Variants in RNF212B observed in about 807,000 individuals in gnomAD.
RNF212B encodes E3 ubiquitin-protein ligase RNF212B.
A neutral mutation model predicts 55.5 loss-of-function variants in RNF212B; 52 were observed. The ratio of observed to expected loss-of-function variants is 0.94; its 90% confidence interval spans 0.75 to 1.18. The LOEUF is 1.18. RNF212B is among the 50% of genes most tolerant of loss of function. The probability of loss-of-function intolerance (pLI) is 0.00; values close to 1 mark genes in which losing one functional copy is unlikely to be tolerated. For missense variants in RNF212B, 289 were observed against 350.4 expected, an observed-to-expected ratio of 0.82 and a Z score of 1.40; for synonymous variants, 99 against 121.4, an observed-to-expected ratio of 0.82 and a Z score of 1.21.
intron 2 of RNF212B, among the ~76,000 whole-genome samples, chr14:23,232,762 G>T (rs1409024603): frequency 2.8e-5 from 4 of 144,434 alleles, no homozygotes; most frequent in African/African-American, 1.0e-4. Context: ...CACCCGGCCA[G>T]CCGCCCCGTC....
chr14:23,215,814 CAT>C (rs1881008295), intron 2 of RNF212B, among the ~76,000 whole-genome samples: 1 of 152,310 alleles, frequency 6.6e-6, no homozygotes, highest in South Asian at 2.1e-4. Flanking sequence ...AGAGTAAAAA[CAT>C]GGGTAAATGT....
Position 23,264,684 on chromosome 14 carries a change from G to A in RNF212B, c.634+13G>A, listed in dbSNP as rs986449410. On this transcript the variant is annotated intron_variant, in intron 11 of 14. Transcript: ENST00000430154. ...GACTCTTATAATGGTGAGGTGGGGG[G>A]AAAAGGGTGTCAGAAATCAACTTAC... is the stretch of plus-strand genomic sequence containing the variant. 3 of 1,282,064 alleles carry A rather than the reference G, an allele frequency of 2.3e-6. No individual in the cohort carries two copies. The highest frequency in any genetic ancestry group is 3.0e-6 in the Non-Finnish European group (3 of 1,004,996). The allele number at this position is 1,282,064 out of a possible 1,614,324, so 79.4% of individuals were successfully genotyped here.
Position 23,208,902 on chromosome 14 carries a change from G to A in RNF212B, c.-2+15501G>A, listed in dbSNP as rs1482199916. Among the ~76,000 whole-genome samples, 13 of 151,060 alleles carry A rather than the reference G, an allele frequency of 8.6e-5. No individual in the cohort carries two copies. The South Asian group carries it at 1.0e-3, about 12-fold the overall frequency. The stretch of plus-strand genomic sequence containing the variant: ...GCCCCCTGAGTAGTTGGGACTACAG[G>A]TGCCCGCCACTACGCCTGGCTAATT... On this transcript the variant is annotated intron_variant, in intron 2 of 15. Coordinates refer to the RNF212B transcript ENST00000399910.
chr14:23,259,197 AAAAAC>A (rs772596218), intron 5 of RNF212B, among the ~76,000 whole-genome samples: 1 of 120,884 alleles, frequency 8.3e-6, no homozygotes, highest in Non-Finnish European at 1.8e-5. Context: ...TCTCAAAAAC[AAAAAC>A]AAAAAAAAAC....
intron 1 of RNF212B, among the ~76,000 whole-genome samples, chr14:23,239,950 A>G (rs1392396032): frequency 3.3e-5 from 5 of 151,646 alleles, no homozygotes; most frequent in African/African-American, 9.7e-5. Context: ...AAACTGGCAC[A>G]TGTATTAATC....
chr14:23,237,533 C>G (rs145715741), upstream of RNF212B, among the ~76,000 whole-genome samples: 203 of 152,254 alleles, frequency 1.3e-3, 1 homozygote, highest in African/African-American at 4.5e-3. Context: ...TTTCCTGTTT[C>G]CGATTTTACG....
At chr14:23,243,990 A>G (rs1883809796) in intron 3 of RNF212B, among the ~76,000 whole-genome samples, 1 of 152,094 alleles carries the variant, frequency 6.6e-6, no homozygotes, top group South Asian at 2.1e-4. Flanking sequence ...AGGCAGAAGA[A>G]TCACTTGAAC....
chr14:23,266,537 G>C (rs1479072450), intron 11 of RNF212B, among the ~76,000 whole-genome samples: 1 of 144,022 alleles, frequency 6.9e-6, no homozygotes, highest in East Asian at 2.1e-4. Flanking sequence ...TCAGCCTCCC[G>C]AGTAGCTGGG....
rs1877703129 is a variant in RNF212B, at chr14:23,187,398, G to A, written c.-79+1908G>A. On this transcript the variant is annotated intron_variant, in intron 1 of 15. Coordinates refer to the RNF212B transcript ENST00000399910. Reference sequence around the variant, plus strand: ...AGGTCTCACTCTGTCACCCAGGCTGGAGTGTAGTGGCACAATCACAGCTCA... The same window carrying A: ...AGGTCTCACTCTGTCACCCAGGCTGAAGTGTAGTGGCACAATCACAGCTCA... Among the ~76,000 whole-genome samples the A allele has an allele frequency of 1.3e-5, 2 of 151,912 alleles. 1 individual carries two copies. The highest frequency in any genetic ancestry group is 4.2e-4 in the South Asian group (2 of 4,816).
At chr14:23,201,253 T>C (rs896249108) in intron 2 of RNF212B, among the ~76,000 whole-genome samples, 4 of 152,210 alleles carry the variant, frequency 2.6e-5, no homozygotes, top group Non-Finnish European at 5.9e-5. Context: ...GCACCTGTTA[T>C]AGTTTAATAG....
chr14:23,236,479 C>A (rs1225306406), upstream of RNF212B, among the ~76,000 whole-genome samples: 1 of 152,164 alleles, frequency 6.6e-6, no homozygotes, highest in Admixed American at 6.6e-5. Flanking sequence ...GGCGCCACTG[C>A]ACTCCAGCCC....
rs935156410 is a variant in RNF212B at position 23,227,298 on chromosome 14, G to A, written c.-1-13047G>A. On this transcript the variant is annotated intron_variant, in intron 2 of 15. Transcript: ENST00000399910. ...TGGAGAAGAGGAGTTTGTGCTCAAA[G>A]AACCTTCTCTCTGTAATTATTTTAA... 2.0e-5 allele frequency among the ~76,000 whole-genome samples: 3 copies of A among 151,926 alleles called. No homozygotes were observed. The South Asian group carries it at 6.2e-4, about 31-fold the overall frequency.
chr14:23,215,013 CTG>C (rs1482890928), intron 2 of RNF212B, among the ~76,000 whole-genome samples: 3 of 152,176 alleles, frequency 2.0e-5, no homozygotes, highest in African/African-American at 7.2e-5. Flanking sequence ...TGATTTGGCT[CTG>C]TGTCCCCACA....
intron 1 of RNF212B, among the ~76,000 whole-genome samples, chr14:23,193,037 A>AC (rs1878267285): frequency 1.4e-5 from 2 of 146,620 alleles, no homozygotes; most frequent in Non-Finnish European, 3.0e-5. Flanking sequence ...GGTTGCTGTG[A>AC]GACGAGATCA....
intron 2 of RNF212B, among the ~76,000 whole-genome samples, chr14:23,200,332 C>CT (rs996366274): frequency 3.1e-4 from 46 of 147,034 alleles, no homozygotes; most frequent in Middle Eastern, 3.5e-3. Context: ...TCTCCCCCAA[C>CT]TTTTTTTTTT....
rs1881955944 is a variant in RNF212B, at chr14:23,225,877, G to A, written c.-1-14468G>A. ...TAACACAAAGGATAAAAGCACGAGG[G>A]GATCGATACCCTATCTTTCATGATG... On this transcript the variant is annotated intron_variant, in intron 2 of 15. Transcript: ENST00000399910. Among the ~76,000 whole-genome samples, 3 of 151,894 alleles carry A rather than the reference G, an allele frequency of 2.0e-5. No individual in the cohort carries two copies. In the South Asian group the frequency reaches 6.2e-4, roughly 32 times the overall value.
chr14:23,230,066 T>C (rs1360161923), intron 2 of RNF212B: 1 of 207,420 alleles, frequency 4.8e-6, no homozygotes, highest in Non-Finnish European at 1.0e-5. Flanking sequence ...GATTTTGCTT[T>C]TGTTTCTTGG....
At chr14:23,200,325 C>T (rs1008980423) in intron 2 of RNF212B, among the ~76,000 whole-genome samples, 23 of 151,994 alleles carry the variant, frequency 1.5e-4, no homozygotes, top group African/African-American at 5.6e-4. Flanking sequence ...AATTTCCTCT[C>T]CCCCAACTTT....
intron 14 of RNF212B, among the ~76,000 whole-genome samples, chr14:23,271,160 CG>C (rs996107926): frequency 4.3e-4 from 66 of 152,132 alleles, no homozygotes; most frequent in African/African-American, 1.5e-3. Context: ...GAAAAGTCAC[CG>C]GGGGCGGTGG....
Sources: gnomAD v4.1 joint callset for allele counts (sites outside exome capture counted in the v4.1 genomes callset) on GRCh38, gnomAD v4.1.1 for gene constraint, MANE v1.5 for transcripts, NCBI Gene and HGNC (gene_info 2026-07-23, HGNC 2026-07-21) for gene names.